PRH1: variants seen among roughly 807,000 people sequenced by gnomAD.
PRH1 encodes salivary acidic proline-rich phosphoprotein 1/2.
A neutral mutation model predicts 7.9 loss-of-function variants in PRH1; 7 were observed. The ratio of observed to expected loss-of-function variants is 0.89; its 90% confidence interval spans 0.50 to 1.67. The LOEUF (loss-of-function observed/expected upper bound fraction) is 1.67. Among genes scored for constraint, PRH1 ranks in the 40% most tolerant of loss-of-function variants. The probability of loss-of-function intolerance (pLI) is 0.00; values close to 1 mark genes in which losing one functional copy is unlikely to be tolerated. For missense variants in PRH1, 109 were observed against 223.6 expected, an observed-to-expected ratio of 0.49 and a Z score of 3.27; for synonymous variants, 45 against 80.8, an observed-to-expected ratio of 0.56 and a Z score of 2.38.
chr12:11,116,799 A>G (rs934456777), downstream of PRH1, among the ~76,000 whole-genome samples: 1 of 152,174 alleles, frequency 6.6e-6, no homozygotes, highest in Non-Finnish European at 1.5e-5. Context: ...GATACATCAT[A>G]TATACAGAAT....
chr12:11,052,921 T>C (rs1196020846), intron 1 of PRH1, among the ~76,000 whole-genome samples: 1 of 49,554 alleles, frequency 2.0e-5, no homozygotes, highest in Non-Finnish European at 6.4e-5. Flanking sequence ...TCTGATTTTT[T>C]TGATTTTTTG....
chr12:10,948,936 G>C (rs888128154), intron 2 of PRH1, among the ~76,000 whole-genome samples: 2 of 152,086 alleles, frequency 1.3e-5, no homozygotes, highest in African/African-American at 4.8e-5. Flanking sequence ...TGACACTTAT[G>C]CTTATTGGTC....
At chr12:11,024,091 A>G (rs1321845313) in intron 1 of PRH1, among the ~76,000 whole-genome samples, 15 of 152,258 alleles carry the variant, frequency 9.9e-5, no homozygotes, top group Non-Finnish European at 8.8e-5. Flanking sequence ...AAGTTTCCTA[A>G]AGTTGCAACT....
intron 2 of PRH1, chr12:10,929,206 C>T (rs1306960335): frequency 1.9e-6 from 3 of 1,610,208 alleles, no homozygotes; most frequent in Admixed American, 1.7e-5. Context: ...TCCTGCTTGT[C>T]TTTATAAAGG....
chr12:11,069,595 T>C (rs1462185948), intron 1 of PRH1, among the ~76,000 whole-genome samples: 2 of 152,192 alleles, frequency 1.3e-5, no homozygotes, highest in African/African-American at 4.8e-5. Context: ...ACATGAAGAC[T>C]AACCTTGGCA....
intron 1 of PRH1, among the ~76,000 whole-genome samples, chr12:11,157,405 C>T (rs61928602): frequency 0.46 from 69,206 of 151,984 alleles, 16,555 homozygotes; most frequent in Non-Finnish European, 0.53. Context: ...GGGCTTTGTG[C>T]CTTACAAGTC....
intron 1 of PRH1, among the ~76,000 whole-genome samples, chr12:11,063,041 G>A (rs1943678557): frequency 6.6e-6 from 1 of 152,030 alleles, no homozygotes; most frequent in Non-Finnish European, 1.5e-5. Context: ...TCTAGGTGAA[G>A]TTAGTCCTAT....
At chr12:11,020,363 G>GATAGATATAT (rs1941545034) in intron 1 of PRH1, among the ~76,000 whole-genome samples, 1 of 87,584 alleles carries the variant, frequency 1.1e-5, no homozygotes, top group African/African-American at 3.9e-5. Flanking sequence ...TATGATAAGC[G>GATAGATATAT]ATATATATAT....
At chr12:10,909,128 C>G in intron 2 of PRH1, 1 of 1,613,856 alleles carries the variant, frequency 6.2e-7, no homozygotes, top group Non-Finnish European at 8.5e-7. Flanking sequence ...CCCAGATCAG[C>G]CCAATTCTGG....
In PRH1 at chr12:10,893,219, CAG is replaced by C. The variant is rs370505453; in HGVS notation, c.-58-8946_-58-8945del. Among the ~76,000 whole-genome samples, 794 of 152,242 alleles carry C rather than the reference CAG, an allele frequency of 5.2e-3. 2 individuals are homozygous for C. The highest frequency in any genetic ancestry group is 8.5e-3 in the Non-Finnish European group (579 of 68,006). On this transcript the variant is annotated intron_variant, in intron 2 of 3. Coordinates refer to the PRH1 transcript ENST00000539853. ...CCTCGTACAGTTATCAGGTAAAATA[CAG>C]AGTGTGTCAGTTCAATTTGAATTTC...
chr12:11,003,044 T>C (rs1940665654), intron 1 of PRH1, among the ~76,000 whole-genome samples: 1 of 152,030 alleles, frequency 6.6e-6, no homozygotes, highest in South Asian at 2.1e-4. Flanking sequence ...AAAAAGTCTA[T>C]TGCAATATAG....
intron 2 of PRH1, among the ~76,000 whole-genome samples, chr12:10,950,791 A>C (rs1591718176): frequency 1.3e-5 from 2 of 152,124 alleles, no homozygotes; most frequent in East Asian, 1.9e-4. Flanking sequence ...TAAAATATTA[A>C]AATGATTATA....
chr12:10,916,431 T>G (rs904839128), intron 2 of PRH1, among the ~76,000 whole-genome samples: 1 of 152,150 alleles, frequency 6.6e-6, no homozygotes, highest in East Asian at 1.9e-4. Flanking sequence ...CTTTTTTTCC[T>G]AGTTCTAAAA....
At chr12:11,031,530 A>T in intron 1 of PRH1, 2 of 552,010 alleles carry the variant, frequency 3.6e-6, no homozygotes, top group Non-Finnish European at 5.7e-6. Context: ...GAAAGGACAA[A>T]GCTTCCACCG....
chr12:10,986,027 G>A (rs1461675086), intron 1 of PRH1: 2 of 1,613,964 alleles, frequency 1.2e-6, no homozygotes, highest in South Asian at 1.1e-5. Flanking sequence ...TCCAAATTAG[G>A]ATGAATGAGT....
chr12:11,126,571 T>G (rs1235535238), intron 1 of PRH1, among the ~76,000 whole-genome samples: 1 of 152,178 alleles, frequency 6.6e-6, no homozygotes, highest in Non-Finnish European at 1.5e-5. Context: ...TAAAACTCAG[T>G]GATATGCATG....
chr12:10,923,838 T>C (rs1255654588), intron 2 of PRH1, among the ~76,000 whole-genome samples: 1 of 152,198 alleles, frequency 6.6e-6, no homozygotes, highest in Non-Finnish European at 1.5e-5. Flanking sequence ...TTTTGATAGA[T>C]CAAGCAAATT....
intron 2 of PRH1, among the ~76,000 whole-genome samples, chr12:10,933,634 G>A (rs1462641463): frequency 1.3e-5 from 2 of 151,908 alleles, no homozygotes; most frequent in South Asian, 2.1e-4. Context: ...AGATGCCAAC[G>A]TTGTCTTTGA....
At chr12:10,955,494 A>G (rs1937908791) in intron 2 of PRH1, among the ~76,000 whole-genome samples, 1 of 152,142 alleles carries the variant, frequency 6.6e-6, no homozygotes, top group Non-Finnish European at 1.5e-5. Flanking sequence ...ATGATCTCAA[A>G]TTAATAACAT....
Sources: gnomAD v4.1 joint callset for allele counts (sites outside exome capture counted in the v4.1 genomes callset) on GRCh38, gnomAD v4.1.1 for gene constraint, MANE v1.5 for transcripts, NCBI Gene and HGNC (gene_info 2026-07-23, HGNC 2026-07-21) for gene names.